The following DYM variants were observed in gnomAD, a reference collection of about 807,000 sequenced individuals.
DYM encodes the protein dyggve-Melchior-Clausen syndrome protein.
DYM carries 78 observed loss-of-function variants against 93.1 expected under a neutral mutation model. That is an observed-to-expected ratio of 0.84 (90% CI 0.70 to 1.01). DYM has a LOEUF of 1.01. DYM is among the 50% of genes least tolerant of loss of function. The pLI, the probability that DYM is intolerant of heterozygous loss-of-function variation, is 0.00. For synonymous variants in DYM, 321 were observed against 319.7 expected (o/e 1.00, Z -0.04); for missense variants, 789 against 845.0 (o/e 0.93, Z 0.82).
intron 10 of DYM, among the ~76,000 whole-genome samples, chr18:49,280,592 A>G (rs1017737480): frequency 1.3e-5 from 2 of 152,160 alleles, no homozygotes; most frequent in Non-Finnish European, 2.9e-5. Flanking sequence ...GACTATAAGG[A>G]CAGGGAGGGA....
chr18:49,293,191 T>C (rs1033430561), intron 8 of DYM, among the ~76,000 whole-genome samples: 2 of 152,228 alleles, frequency 1.3e-5, no homozygotes, highest in East Asian at 1.9e-4. Context: ...TTCCATGGTA[T>C]ATATGTGCCA....
At chr18:49,374,518 T>C (rs1295488253) in intron 5 of DYM, among the ~76,000 whole-genome samples, 4 of 152,210 alleles carry the variant, frequency 2.6e-5, no homozygotes, top group Admixed American at 2.0e-4. Flanking sequence ...TAATCAAATG[T>C]GGAGTCAAAG....
intron 11 of DYM, 82 bp from the exon 12 acceptor site, chr18:49,258,575 A>G (rs2094432081): frequency 1.1e-6 from 1 of 891,000 alleles, no homozygotes; most frequent in Non-Finnish European, 1.8e-6. Context: ...ATTTTTGATA[A>G]ACGATGACTT....
intron 14 of DYM, chr18:49,206,365 C>T (rs951016394): frequency 6.6e-6 from 1 of 152,510 alleles, no homozygotes; most frequent in Non-Finnish European, 1.5e-5. Flanking sequence ...TTTTAAATTC[C>T]GCATAACAGA....
intron 3 of DYM, among the ~76,000 whole-genome samples, chr18:49,381,568 G>A (rs1229515482): frequency 6.6e-6 from 1 of 152,210 alleles, no homozygotes; most frequent in Non-Finnish European, 1.5e-5. Context: ...GAAGCTGACA[G>A]TACTTCTCAA....
chr18:49,391,672 T>C (rs1308386581), intron 2 of DYM, 27 bp from the exon 3 acceptor site: 3 of 1,583,606 alleles, frequency 1.9e-6, no homozygotes, highest in South Asian at 1.1e-5. Flanking sequence ...ATAAAGGTAA[T>C]TAATGACTAT....
intron 3 of DYM, among the ~76,000 whole-genome samples, chr18:49,380,900 T>G (rs1161505836): frequency 6.6e-6 from 1 of 152,240 alleles, no homozygotes; most frequent in Non-Finnish European, 1.5e-5. Flanking sequence ...TTTAACTAGT[T>G]TGAAAACTGG....
chr18:49,376,288 TA>T (rs2067502062), intron 5 of DYM, among the ~76,000 whole-genome samples: 1 of 152,198 alleles, frequency 6.6e-6, no homozygotes, highest in African/African-American at 2.4e-5. Flanking sequence ...TTAGAACACT[TA>T]CGAAACAAAC....
chr18:49,194,130 A>G (rs1220570021), intron 14 of DYM, among the ~76,000 whole-genome samples: 1 of 152,246 alleles, frequency 6.6e-6, no homozygotes, highest in Non-Finnish European at 1.5e-5. Context: ...AGTAACAAAG[A>G]ATATTTCTAT....
intron 14 of DYM, among the ~76,000 whole-genome samples, chr18:49,201,832 TTA>T (rs112068400): frequency 1.3e-5 from 2 of 152,364 alleles, no homozygotes; most frequent in African/African-American, 4.8e-5. Flanking sequence ...AGATCGCTTT[TTA>T]TATGTTACTA....
At chr18:49,259,042 G>C (rs547333073) in intron 11 of DYM, among the ~76,000 whole-genome samples, 1 of 151,454 alleles carries the variant, frequency 6.6e-6, no homozygotes, top group East Asian at 1.9e-4. Flanking sequence ...GTTCTCTTTC[G>C]TTAAGGTTAC....
chr18:49,137,090 G>T (rs141609556), intron 15 of DYM, among the ~76,000 whole-genome samples: 3 of 152,316 alleles, frequency 2.0e-5, no homozygotes, highest in African/African-American at 7.2e-5. Flanking sequence ...TGTGGACCTT[G>T]TAACATTTGC....
At chr18:49,441,276 T>A (rs1473503051) in intron 1 of DYM, among the ~76,000 whole-genome samples, 22 of 43,268 alleles carry the variant, frequency 5.1e-4, no homozygotes, top group African/African-American at 1.5e-3. Flanking sequence ...ATAATATATA[T>A]TATATAATTA....
At chr18:49,368,628 AG>A (rs1162958325) in intron 5 of DYM, 1 of 152,230 alleles carries the variant, frequency 6.6e-6, no homozygotes, top group East Asian at 1.9e-4. Context: ...CGCCTGCCCC[AG>A]TCTCTAGGGC....
chr18:49,350,362 G>T lies in DYM; in HGVS notation c.494+12799C>A, dbSNP rs574447515. 5.3e-5 allele frequency among the ~76,000 whole-genome samples: 8 copies of T among 152,284 alleles called. No homozygotes were observed. The South Asian group carries it at 1.7e-3, about 32-fold the overall frequency. ...CTGATTGGGAAAAATCAAGTTAAAA[G>T]TGATAAAAGCAACTTACAGAATAGT... On this transcript the variant is annotated intron_variant, in intron 6 of 17. Transcript: ENST00000675505.
At chr18:49,424,029 C>T (rs1183298009) in intron 2 of DYM, among the ~76,000 whole-genome samples, 1 of 151,072 alleles carries the variant, frequency 6.6e-6, no homozygotes, top group Non-Finnish European at 1.5e-5. Flanking sequence ...AAGAGGGAAT[C>T]CTCCCTAACT....
chr18:49,293,850 T>C (rs950675140), intron 8 of DYM, among the ~76,000 whole-genome samples: 1 of 152,220 alleles, frequency 6.6e-6, no homozygotes, highest in African/African-American at 2.4e-5. Context: ...TTGGCTTTTG[T>C]TGTCATTGCT....
chr18:49,099,188 C>T (rs1167380005), intron 16 of DYM, among the ~76,000 whole-genome samples: 1 of 152,054 alleles, frequency 6.6e-6, no homozygotes, highest in Non-Finnish European at 1.5e-5. Context: ...GTTACATATG[C>T]TTTAGGCTTA....
chr18:49,292,592 G>GAAA (rs72415237), intron 8 of DYM, among the ~76,000 whole-genome samples: 65 of 78,778 alleles, frequency 8.3e-4, no homozygotes, highest in Non-Finnish European at 1.2e-3. Context: ...TTTCCTGTTG[G>GAAA]AAAAAAAAAA....
Sources: gnomAD v4.1 joint callset for allele counts (sites outside exome capture counted in the v4.1 genomes callset) on GRCh38, gnomAD v4.1.1 for gene constraint, MANE v1.5 for transcripts, NCBI Gene and HGNC (gene_info 2026-07-23, HGNC 2026-07-21) for gene names.